Variants in PNKD observed in about 807,000 individuals in gnomAD.
PNKD encodes PNKD metallo-beta-lactamase domain containing, also known as probable thioesterase PNKD.
PNKD carries 36 observed loss-of-function variants against 45.3 expected under a neutral mutation model. The ratio of observed to expected loss-of-function variants is 0.80; its 90% CI spans 0.61 to 1.05. The LOEUF (loss-of-function observed/expected upper bound fraction) is 1.05. PNKD is among the 50% of genes least tolerant of loss of function. The pLI is 0.00. For missense variants in PNKD, 511 were observed against 506.6 expected, an observed-to-expected ratio of 1.01 and a Z score of -0.08; for synonymous variants, 197 against 210.1, an observed-to-expected ratio of 0.94 and a Z score of 0.54.
At chr2:218,280,311 G>A (rs995028391) in intron 2 of PNKD, 14 of 562,068 alleles carry the variant, frequency 2.5e-5, no homozygotes, top group African/African-American at 3.8e-5. Context: ...GGCCTGTCAC[G>A]AGGGGGCTTA....
At chr2:218,287,470 G>T (rs1692613303) in intron 2 of PNKD, among the ~76,000 whole-genome samples, 1 of 152,168 alleles carries the variant, frequency 6.6e-6, no homozygotes, top group Admixed American at 6.5e-5. Context: ...AGCACTTTGG[G>T]AGGCCGAGGC....
chr2:218,336,561 G>C (rs1694497432), intron 2 of PNKD, among the ~76,000 whole-genome samples: 1 of 151,926 alleles, frequency 6.6e-6, no homozygotes, highest in African/African-American at 2.4e-5. Flanking sequence ...GCTCACTGCA[G>C]CCTTGACCTC....
At position 218,309,764 on chromosome 2, in the gene PNKD, T is replaced by C. The variant is rs534942701; in HGVS notation, c.237-30019T>C. Among the ~76,000 whole-genome samples, 25 of 151,424 alleles carry C rather than the reference T, an allele frequency of 1.7e-4. No homozygotes were observed. In the South Asian group the frequency reaches 5.0e-3, roughly 30 times the overall value. On this transcript the variant is annotated intron_variant, in intron 2 of 9. Coordinates refer to ENST00000273077, the MANE Select transcript of PNKD (RefSeq NM_015488.5). ...CTGGCCAACATGGTGAGACCCCATC[T>C]CTACTAAAAATACAAAAAAAATTAG... is the stretch of plus-strand genomic sequence containing the variant.
intron 2 of PNKD, among the ~76,000 whole-genome samples, chr2:218,293,663 G>A (rs995310782): frequency 1.5e-5 from 2 of 137,712 alleles, no homozygotes; most frequent in African/African-American, 5.4e-5. Context: ...TCGGCTCACT[G>A]CATCCTCCTC....
chr2:218,303,875 G>A (rs934067064), intron 2 of PNKD, among the ~76,000 whole-genome samples: 1 of 151,860 alleles, frequency 6.6e-6, no homozygotes, highest in Non-Finnish European at 1.5e-5. Context: ...CGCCCGGCCA[G>A]ACCCGCACTT....
intron 2 of PNKD, chr2:218,274,921 G>A (rs1339359920): frequency 6.5e-6 from 1 of 153,214 alleles, no homozygotes; most frequent in Non-Finnish European, 1.5e-5. Flanking sequence ...ATTGAAGCAA[G>A]GAGACCCATG....
intron 2 of PNKD, among the ~76,000 whole-genome samples, chr2:218,302,121 A>G (rs1390320040): frequency 6.6e-6 from 1 of 152,150 alleles, no homozygotes; most frequent in Non-Finnish European, 1.5e-5. Flanking sequence ...AGGCCGAGGC[A>G]GGCAGATCAC....
Position 218,273,845 on chromosome 2 carries a change from C to T in PNKD, c.236+2296C>T, listed in dbSNP as rs929301170. Among the ~76,000 whole-genome samples, 10 of 152,170 alleles carry T rather than the reference C, an allele frequency of 6.6e-5. No homozygotes were observed. The South Asian group carries it at 1.7e-3, about 25-fold the overall frequency. On this transcript the variant is annotated intron_variant, in intron 2 of 9. Transcript: ENST00000273077. ...GGGACTGGAGTTGACATGGACTGAA[C>T]CTGCAGTCCATCCCCTCCTCCATCT...
intron 2 of PNKD, among the ~76,000 whole-genome samples, chr2:218,273,281 TG>T (rs1197780134): frequency 6.6e-6 from 1 of 152,182 alleles, no homozygotes; most frequent in East Asian, 1.9e-4. Context: ...TTTTGTTTTT[TG>T]TTTTTTGAGA....
At chr2:218,276,481 G>A (rs575406528) in intron 2 of PNKD, among the ~76,000 whole-genome samples, 94 of 152,218 alleles carry the variant, frequency 6.2e-4, no homozygotes, top group Middle Eastern at 3.4e-3. Flanking sequence ...ATCAAAATCC[G>A]GGAGCACCCA....
chr2:218,340,276 A>T lies in PNKD; in HGVS notation c.465+135A>T. 1.5e-6 allele frequency: 1 copy of T among 668,010 alleles called. No individual in the cohort carries two copies. Among genetic ancestry groups the T allele is most frequent in the African/African-American group, 1.8e-5 (1 of 57,120 alleles). The allele number at this position is 668,010 out of a possible 1,614,324, so 41.4% of individuals were successfully genotyped here. On this transcript the variant is annotated intron_variant, in intron 4 of 9. Transcript: ENST00000273077. This position sits in a 1 kb window ranked among gnomAD's most constrained non-coding sequence, Gnocchi z 4.2. ...ATATGCTCCATGTTCACACGTGCAC[A>T]TGCGCACACATAGCCTGGGGAAGGG...
intron 2 of PNKD, among the ~76,000 whole-genome samples, chr2:218,334,360 G>A (rs572755392): frequency 4.6e-5 from 7 of 151,874 alleles, no homozygotes; most frequent in South Asian, 2.1e-4. Context: ...AGAATCCCAC[G>A]TTGCATTTAT....
chr2:218,276,175 G>A lies in PNKD; in HGVS notation c.236+4626G>A. ...CCCCGGGATAGTGGCATGAGAGTGG[G>A]TAGAGCTGGGAAGCTAGCTCTCCAT... On this transcript the variant is annotated intron_variant, in intron 2 of 9. Transcript: ENST00000273077. 3.7e-6 allele frequency: 5 copies of A among 1,359,106 alleles called. No homozygotes were observed. In the South Asian group the frequency reaches 5.0e-5, roughly 14 times the overall value. 84.2% of individuals were successfully genotyped at this position (1,359,106 alleles called of 1,614,324 possible). A position where few individuals can be genotyped will look rare whatever the true frequency, so the allele number is the denominator to read the frequency against.
At chr2:218,332,256 G>C (rs1694348639) in intron 2 of PNKD, among the ~76,000 whole-genome samples, 1 of 152,196 alleles carries the variant, frequency 6.6e-6, no homozygotes, top group African/African-American at 2.4e-5. Flanking sequence ...TGTTCTCACA[G>C]GTGAGGCTGC....
intron 2 of PNKD, among the ~76,000 whole-genome samples, chr2:218,307,688 C>G (rs752028331): frequency 6.6e-6 from 1 of 152,066 alleles, no homozygotes; most frequent in Non-Finnish European, 1.5e-5. Context: ...GGACCCCTAC[C>G]GTGGGGCATC....
intron 2 of PNKD, among the ~76,000 whole-genome samples, chr2:218,297,997 C>CAA (rs60172979): frequency 9.5e-4 from 124 of 130,168 alleles, no homozygotes; most frequent in Middle Eastern, 4.3e-3. Context: ...GACTCCATCT[C>CAA]AAAAAAAAAA....
At chr2:218,283,080 A>G (rs1692200184) in intron 2 of PNKD, among the ~76,000 whole-genome samples, 1 of 152,136 alleles carries the variant, frequency 6.6e-6, no homozygotes, top group East Asian at 1.9e-4. Context: ...GTGCAGTGCT[A>G]GCAGGGAGGA....
At chr2:218,277,954 ATGT>A in intron 2 of PNKD, 1 of 1,614,214 alleles carries the variant, frequency 6.2e-7, no homozygotes, top group Non-Finnish European at 8.5e-7. Context: ...CAGCAGAATG[ATGT>A]TCCATGGGAA....
intron 2 of PNKD, chr2:218,277,155 C>A: frequency 6.7e-7 from 1 of 1,495,460 alleles, no homozygotes; most frequent in South Asian, 1.1e-5. Context: ...CCAGCCCAGT[C>A]AGACTGGCCC....
Sources: allele counts gnomAD v4.1 joint callset (sites outside exome capture counted in the v4.1 genomes callset), GRCh38; gene constraint gnomAD v4.1.1; non-coding constraint Gnocchi (gnomAD v3.1); transcripts MANE v1.5; gene names NCBI Gene and HGNC (gene_info 2026-07-23, HGNC 2026-07-21).